Variants in KIAA0319L observed in about 807,000 individuals in gnomAD.
KIAA0319L encodes dyslexia-associated protein KIAA0319-like protein.
A neutral mutation model predicts 120.1 loss-of-function variants in KIAA0319L; 55 were observed. That is an observed-to-expected ratio of 0.46 (90% CI 0.37 to 0.57). KIAA0319L has a LOEUF of 0.57. Ranked by LOEUF, KIAA0319L falls within the 20% of genes least tolerant of loss-of-function variation. The pLI, the probability that KIAA0319L is intolerant of heterozygous loss-of-function variation, is 0.00. For missense variants in KIAA0319L, 1,049 were observed against 1,255.3 expected (o/e 0.84, Z 2.48); for synonymous variants, 398 against 471.9 (o/e 0.84, Z 2.03).
rs1003458566 is a variant in KIAA0319L at position 35,485,391 on chromosome 1, A to G, written c.667-6179T>C. Among the ~76,000 whole-genome samples the G allele has an allele frequency of 2.6e-5, 4 of 152,282 alleles. No individual in the cohort carries two copies. The South Asian group carries it at 6.2e-4, about 24-fold the overall frequency. ...ACAATGATCTGGGCAGGGGTTGCTC[A>G]TAGACCTCAAACCCATAAAGCTTTG... On this transcript the variant is annotated intron_variant, in intron 3 of 20. Transcript: ENST00000325722.
At chr1:35,443,138 G>C in intron 17 of KIAA0319L, 110 bp from the exon 18 acceptor site, 3 of 1,348,740 alleles carry the variant, frequency 2.2e-6, no homozygotes, top group Non-Finnish European at 3.1e-6. Flanking sequence ...GCTATGTGGT[G>C]AAATGTCCTC....
rs1040042675 is a variant in KIAA0319L, at chr1:35,514,374, AAAC to A, written c.143-7242_143-7240del. 7.2e-5 allele frequency among the ~76,000 whole-genome samples: 11 copies of A among 151,924 alleles called. No individual in the cohort carries two copies. In the East Asian group the frequency reaches 7.7e-4, roughly 11 times the overall value. On this transcript the variant is annotated intron_variant, in intron 2 of 20. Coordinates refer to ENST00000325722, the MANE Select transcript of KIAA0319L (RefSeq NM_024874.5). ...ATCGATGCTAGGGATTAAAAAAAAA[AAAC>A]AAAACTTACAAAATGGACTAAATGC...
rs761507231 is a variant in KIAA0319L, at chr1:35,441,118, C to T, written c.2891G>A (p.Arg964Lys). ...ATCCAGGATCTTGTACTTGCTTTTC[C>T]TCTTGGGTTTTCCTTTTTGCCTAAA... is the stretch of plus-strand genomic sequence containing the variant. Reference protein sequence around the residue: ...CCKRQKGKPKRKSKYKILDAT... With the variant: ...CCKRQKGKPKKKSKYKILDAT... Residue 964 changes from arginine to lysine, a missense_variant, in exon 20 of 21, where the codon AGG (arginine) becomes AAG (lysine). Coordinates refer to ENST00000325722, the MANE Select transcript of KIAA0319L (RefSeq NM_024874.5). 1 of 1,614,174 alleles carries T rather than the reference C, an allele frequency of 6.2e-7. No homozygotes were observed. Among genetic ancestry groups the T allele is most frequent in the Non-Finnish European group, 8.5e-7 (1 of 1,180,024 alleles).
chr1:35,489,670 GTT>G (rs774142930), intron 3 of KIAA0319L, among the ~76,000 whole-genome samples: 1 of 142,554 alleles, frequency 7.0e-6, no homozygotes. Flanking sequence ...GTTTCTTTGG[GTT>G]TTTTTTTTTT....
At chr1:35,514,128 C>T (rs575380269) in intron 2 of KIAA0319L, among the ~76,000 whole-genome samples, 14 of 152,134 alleles carry the variant, frequency 9.2e-5, no homozygotes, top group South Asian at 2.1e-4. Flanking sequence ...AAGTGAATTA[C>T]GGCATAGCAA....
rs754682422 is a variant in KIAA0319L at position 35,442,925 on chromosome 1, C to A, written c.2760G>T (p.Arg920Ser). The A allele has an allele frequency of 6.2e-7, 1 of 1,614,234 alleles. No individual in the cohort carries two copies. The highest frequency in any genetic ancestry group is 1.7e-5 in the Admixed American group (1 of 60,024). The change falls in exon 18 of 21, where the codon AGG becomes AGT. Residue 920 changes from arginine to serine, a missense_variant. Coordinates refer to ENST00000325722, the MANE Select transcript of KIAA0319L (RefSeq NM_024874.5). Reference protein sequence around the residue: ...WMENFIKVQLRDGDSNCEWSV... With the variant: ...WMENFIKVQLSDGDSNCEWSV... Reference sequence around the variant, plus strand: ...ACTCACCACAGTTGCTGTCTCCATCCCTCAGCTGCACCTTGATGAAATTCT... The same window carrying A: ...ACTCACCACAGTTGCTGTCTCCATCACTCAGCTGCACCTTGATGAAATTCT...
At chr1:35,466,862 C>A (rs752617093) in intron 6 of KIAA0319L, among the ~76,000 whole-genome samples, 167 bp from the exon 7 acceptor site, 1 of 152,072 alleles carries the variant, frequency 6.6e-6, no homozygotes. Flanking sequence ...TGGGAGGAGG[C>A]GGGTGGATCA....
chr1:35,473,939 T>C (rs546083824), intron 5 of KIAA0319L, among the ~76,000 whole-genome samples: 38 of 152,324 alleles, frequency 2.5e-4, no homozygotes, highest in African/African-American at 9.1e-4. Context: ...CCATATGTGT[T>C]TGTAAGTCAA....
rs1645979627 is a variant in KIAA0319L at position 35,522,843 on chromosome 1, C to T, written c.143-15708G>A. 2.6e-5 allele frequency among the ~76,000 whole-genome samples: 4 copies of T among 151,198 alleles called. No individual in the cohort carries two copies. In the South Asian group the frequency reaches 8.4e-4, roughly 32 times the overall value. The stretch of plus-strand genomic sequence containing the variant: ...TCATCCTGGCTAACACTGGGAAACC[C>T]CATCTCTCCTGAAAATACAAAAAAA... On this transcript the variant is annotated intron_variant, in intron 2 of 20. Transcript: ENST00000325722.
intron 2 of KIAA0319L, chr1:35,533,362 A>G (rs926086704): frequency 1.3e-5 from 2 of 152,190 alleles, no homozygotes; most frequent in Non-Finnish European, 2.9e-5. Context: ...AAATAAGAGT[A>G]GAGAGAATGA....
intron 2 of KIAA0319L, among the ~76,000 whole-genome samples, chr1:35,514,759 C>G (rs1040496736): frequency 1.3e-5 from 2 of 152,136 alleles, no homozygotes; most frequent in Non-Finnish European, 1.5e-5. Context: ...TAGAGACCTA[C>G]AAAGAAACGT....
At position 35,526,429 on chromosome 1, in the gene KIAA0319L, A is replaced by ATG. The variant is rs1459773813; in HGVS notation, c.143-19296_143-19295dup. The stretch of plus-strand genomic sequence containing the variant: ...TATATATACACACATACATATATAT[A>ATG]TGTATATATATATATATATATTTGT... On this transcript the variant is annotated intron_variant, in intron 2 of 20. Transcript: ENST00000325722. Among the ~76,000 whole-genome samples, 124 of 139,398 alleles carry ATG rather than the reference A, an allele frequency of 8.9e-4. 1 individual carries two copies. The highest frequency in any genetic ancestry group is 5.2e-3 in the East Asian group (26 of 4,960). 91.5% of individuals were successfully genotyped at this position (139,398 alleles called of 152,430 possible).
At chr1:35,487,685 G>T (rs143379387) in intron 3 of KIAA0319L, among the ~76,000 whole-genome samples, 4 of 152,150 alleles carry the variant, frequency 2.6e-5, no homozygotes, top group Non-Finnish European at 5.9e-5. Flanking sequence ...TTAAGATTAC[G>T]TCCACTGACA....
chr1:35,440,850 GC>G, intron 20 of KIAA0319L, 196 bp downstream of exon 20: 1 of 586,308 alleles, frequency 1.7e-6, no homozygotes, highest in Non-Finnish European at 3.1e-6. Context: ...GAAGTAGCAC[GC>G]GAAGTGGGTC....
chr1:35,470,165 G>A lies in KIAA0319L; in HGVS notation c.1113+698C>T, dbSNP rs150366316. 3.5e-3 allele frequency among the ~76,000 whole-genome samples: 535 copies of A among 151,844 alleles called. 6 individuals carry two copies. Among genetic ancestry groups the A allele is most frequent in the African/African-American group, 0.012 (497 of 41,438 alleles). On this transcript the variant is annotated intron_variant, in intron 6 of 20. Transcript: ENST00000325722. ...TTGGATTACAGGCGGGAGCCACTGC[G>A]CCCAGCCAAATACAAACATTTTAGA...
chr1:35,548,105 A>T (rs542037795), intron 2 of KIAA0319L, among the ~76,000 whole-genome samples: 7 of 151,120 alleles, frequency 4.6e-5, no homozygotes, highest in South Asian at 2.1e-4. Flanking sequence ...TGGGCAACAG[A>T]GTGTGACTCT....
intron 4 of KIAA0319L, among the ~76,000 whole-genome samples, chr1:35,475,659 T>C (rs1360669601): frequency 6.6e-6 from 1 of 152,074 alleles, no homozygotes; most frequent in Non-Finnish European, 1.5e-5. Context: ...CCAAGAATCT[T>C]ATTTTATCTT....
At chr1:35,474,084 CT>C (rs1028154625) in intron 5 of KIAA0319L, among the ~76,000 whole-genome samples, 4 of 151,986 alleles carry the variant, frequency 2.6e-5, no homozygotes, top group Non-Finnish European at 4.4e-5. Flanking sequence ...TTAGGCTTAG[CT>C]TTTTTTTCCC....
chr1:35,483,920 T>C (rs967444957), intron 3 of KIAA0319L, among the ~76,000 whole-genome samples: 2 of 152,196 alleles, frequency 1.3e-5, no homozygotes, highest in Non-Finnish European at 2.9e-5. Flanking sequence ...TTAGCATTCC[T>C]TGGCTTGCGG....
Sources: allele counts gnomAD v4.1 joint callset (sites outside exome capture counted in the v4.1 genomes callset), GRCh38; gene constraint gnomAD v4.1.1; transcripts MANE v1.5; gene names NCBI Gene and HGNC (gene_info 2026-07-23, HGNC 2026-07-21).